The following NUTF2 variants were observed in gnomAD, a reference collection of about 807,000 sequenced individuals.
NUTF2 encodes placental protein 15.
In NUTF2, 3 loss-of-function variants were observed where a neutral mutation model predicts 18.5. The observed-to-expected ratio is 0.16, with a 90% CI of 0.07 to 0.42. NUTF2 has a LOEUF of 0.42. Among genes scored for constraint, NUTF2 ranks in the 10% least tolerant of loss-of-function variants. The pLI is 0.99. For missense variants in NUTF2, 44 were observed against 160.7 expected (o/e 0.27, Z 3.93); for synonymous variants, 51 against 57.9 (o/e 0.88, Z 0.54).
At chr16:67,857,452 C>T (rs918852368) in intron 1 of NUTF2, among the ~76,000 whole-genome samples, 1 of 152,206 alleles carries the variant, frequency 6.6e-6, no homozygotes, top group African/African-American at 2.4e-5. Flanking sequence ...GCTGATTGCA[C>T]TCCATCCTTC....
intron 2 of NUTF2, among the ~76,000 whole-genome samples, chr16:67,867,082 A>C (rs1232591054): frequency 2.0e-5 from 3 of 149,630 alleles, no homozygotes; most frequent in Non-Finnish European, 3.0e-5. Flanking sequence ...AGCAATTCTC[A>C]TGCCTCAGCC....
chr16:67,869,885 C>T (rs994378576), intron 4 of NUTF2: 1 of 152,250 alleles, frequency 6.6e-6, no homozygotes, highest in African/African-American at 2.4e-5. Context: ...TTGTGTCTTA[C>T]AATAACATGG....
At chr16:67,864,509 CAA>C (rs572931294) in intron 1 of NUTF2, among the ~76,000 whole-genome samples, 6 of 53,082 alleles carry the variant, frequency 1.1e-4, no homozygotes, top group African/African-American at 2.1e-4. Flanking sequence ...AACTCTGTCT[CAA>C]AAAAAAAAAA....
At chr16:67,856,117 A>G (rs1478653735) in intron 1 of NUTF2, 2 of 462,790 alleles carry the variant, frequency 4.3e-6, no homozygotes, top group East Asian at 3.4e-5. Context: ...TGTTCTTGTA[A>G]CACCTGATTT....
intron 1 of NUTF2, chr16:67,856,205 T>G (rs1055336995): frequency 3.4e-6 from 1 of 293,168 alleles, no homozygotes; most frequent in Non-Finnish European, 6.5e-6. Context: ...TTGTTGTTGT[T>G]GTTTTTTGAG....
intron 1 of NUTF2, among the ~76,000 whole-genome samples, chr16:67,849,950 G>T (rs1419787121): frequency 1.3e-5 from 2 of 152,106 alleles, no homozygotes; most frequent in South Asian, 4.2e-4. Context: ...GAGCCACCAC[G>T]TCCGGCCTTA....
At position 67,872,439 on chromosome 16, in the gene NUTF2, T is replaced by C. The variant is rs1294308869; in HGVS notation, c.*1526T>C. 4 of 152,266 alleles carry C rather than the reference T, an allele frequency of 2.6e-5. No individual in the cohort carries two copies. In the East Asian group the frequency reaches 7.7e-4, roughly 29 times the overall value. The allele number at this position is 152,266 out of a possible 1,614,324, so 9.4% of individuals were successfully genotyped here. On this transcript the variant is annotated 3_prime_UTR_variant, in exon 5 of 5. Coordinates refer to ENST00000219169, the MANE Select transcript of NUTF2 (RefSeq NM_005796.3). ...TGGGAATGATCTCTAGGCTGATGTG[T>C]ATTTGGGGAAGTGGGGGTGGGGAAG... is the stretch of plus-strand genomic sequence containing the variant.
rs376131647 is a variant in NUTF2, at chr16:67,865,262, C to G, written c.99+33C>G. 9.5e-6 allele frequency: 14 copies of G among 1,475,452 alleles called. No individual in the cohort carries two copies. In the African/African-American group the frequency reaches 1.8e-4, roughly 19 times the overall value. The allele number at this position is 1,475,452 out of a possible 1,614,324, so 91.4% of individuals were successfully genotyped here. A position where few individuals can be genotyped will look rare whatever the true frequency, so the allele number is the denominator to read the frequency against. Reference sequence around the variant, plus strand: ...TCCAGCTCTAGGGCCAGAATGGACCCTAGGGGATCAATTTGGATGTTGGGC... The same window carrying G: ...TCCAGCTCTAGGGCCAGAATGGACCGTAGGGGATCAATTTGGATGTTGGGC... On this transcript the variant is annotated intron_variant, in intron 2 of 4. Transcript: ENST00000219169.
At chr16:67,868,212 T>A (rs576824690) in intron 2 of NUTF2, 128 bp from the exon 3 acceptor site, 1 of 753,564 alleles carries the variant, frequency 1.3e-6, no homozygotes, top group African/African-American at 1.8e-5. Context: ...TCAGTCTCCT[T>A]CTTTAGACAG....
chr16:67,852,983 CT>C, intron 1 of NUTF2, among the ~76,000 whole-genome samples: 1 of 151,996 alleles, frequency 6.6e-6, no homozygotes, highest in African/African-American at 2.4e-5. Flanking sequence ...GCTCCCGGCC[CT>C]TTTTTTCTTT....
At chr16:67,851,321 A>G (rs2057856097) in intron 1 of NUTF2, among the ~76,000 whole-genome samples, 1 of 151,878 alleles carries the variant, frequency 6.6e-6, no homozygotes, top group South Asian at 2.1e-4. Flanking sequence ...TTTCTATTAA[A>G]AATACAAAAA....
chr16:67,862,841 G>A (rs118010515), intron 1 of NUTF2, among the ~76,000 whole-genome samples: 24 of 152,202 alleles, frequency 1.6e-4, no homozygotes, highest in South Asian at 6.2e-4. Context: ...TTCATGCCCC[G>A]GGACATTTGC....
At position 67,871,322 on chromosome 16, in the gene NUTF2, A is replaced by G. The variant is rs2058011277; in HGVS notation, c.*409A>G. ...CCACAAAAATTTTCTTAACAGTTTA[A>G]ATTGTTTTAATTAGTTTACTAGTTG... On this transcript the variant is annotated 3_prime_UTR_variant, in exon 5 of 5. Coordinates refer to ENST00000219169, the MANE Select transcript of NUTF2 (RefSeq NM_005796.3). 6.4e-6 allele frequency: 1 copy of G among 156,432 alleles called. No individual in the cohort carries two copies. Among genetic ancestry groups the G allele is most frequent in the Non-Finnish European group, 1.4e-5 (1 of 70,644 alleles). 9.7% of individuals were successfully genotyped at this position (156,432 alleles called of 1,614,324 possible).
intron 1 of NUTF2, among the ~76,000 whole-genome samples, chr16:67,851,560 GT>G (rs1442011572): frequency 2.6e-5 from 4 of 152,068 alleles, no homozygotes; most frequent in Non-Finnish European, 4.4e-5. Context: ...ACAACTTGCA[GT>G]TTTGTTACAT....
intron 1 of NUTF2, among the ~76,000 whole-genome samples, chr16:67,858,541 T>C (rs1300838527): frequency 6.6e-6 from 1 of 152,210 alleles, no homozygotes; most frequent in Admixed American, 6.5e-5. Flanking sequence ...GGCACATATG[T>C]GACACACGAA....
rs936030798 is a variant in NUTF2 at position 67,871,112 on chromosome 16, G to A, written c.*199G>A. ...GTTGCATCTGACGGGAGAAGTTTGTGTTGTACCAGCGCATGCCTTGGAAAG... is the reference window on the plus strand; with the variant it reads ...GTTGCATCTGACGGGAGAAGTTTGTATTGTACCAGCGCATGCCTTGGAAAG... On this transcript the variant is annotated 3_prime_UTR_variant, in exon 5 of 5. Coordinates refer to ENST00000219169, the MANE Select transcript of NUTF2 (RefSeq NM_005796.3). 14 of 451,070 alleles carry A rather than the reference G, an allele frequency of 3.1e-5. No homozygotes were observed. The Admixed American group carries it at 4.2e-4, about 14-fold the overall frequency. 27.9% of individuals were successfully genotyped at this position (451,070 alleles called of 1,614,324 possible).
intron 1 of NUTF2, among the ~76,000 whole-genome samples, chr16:67,864,230 G>A (rs2057953467): frequency 6.6e-6 from 1 of 152,222 alleles, no homozygotes; most frequent in South Asian, 2.1e-4. Context: ...AGGGCCCTTG[G>A]CTGGGTACAG....
intron 1 of NUTF2, among the ~76,000 whole-genome samples, chr16:67,855,171 G>A (rs1259409445): frequency 6.6e-6 from 1 of 152,088 alleles, no homozygotes; most frequent in Non-Finnish European, 1.5e-5. Context: ...CCTCCCTCGG[G>A]GAGCCAGCAG....
intron 1 of NUTF2, among the ~76,000 whole-genome samples, chr16:67,861,093 C>T (rs773673890): frequency 4.6e-5 from 7 of 152,184 alleles, no homozygotes; most frequent in Non-Finnish European, 7.4e-5. Flanking sequence ...TCCAGGCCCA[C>T]GTTGTCACTA....
Sources: allele counts gnomAD v4.1 joint callset (sites outside exome capture counted in the v4.1 genomes callset), GRCh38; gene constraint gnomAD v4.1.1; transcripts MANE v1.5; gene names NCBI Gene and HGNC (gene_info 2026-07-23, HGNC 2026-07-21).